The following CCM2 variants were observed in gnomAD, a reference collection of about 807,000 sequenced individuals.
CCM2 encodes the protein cerebral cavernous malformations 2 protein.
A neutral mutation model predicts 44.9 loss-of-function variants in CCM2; 25 were observed. The observed-to-expected ratio is 0.56, with a 90% confidence interval of 0.41 to 0.78. CCM2 has a LOEUF of 0.78. Ranked by LOEUF, CCM2 falls within the 30% of genes least tolerant of loss-of-function variation. The pLI is 0.00. For synonymous variants in CCM2, 219 were observed against 241.1 expected (o/e 0.91, Z 0.85); for missense variants, 481 against 580.6 (o/e 0.83, Z 1.76).
intron 1 of CCM2, among the ~76,000 whole-genome samples, chr7:45,007,350 G>A (rs1036859444): frequency 2.6e-5 from 4 of 152,170 alleles, no homozygotes; most frequent in Non-Finnish European, 5.9e-5. Flanking sequence ...GTGAACAGTG[G>A]ATCTTTGTTA....
Position 45,031,401 on chromosome 7 carries a change from A to T in CCM2, c.31-6852A>T, listed in dbSNP as rs1440498567. Among the ~76,000 whole-genome samples, 7 of 149,138 alleles carry T rather than the reference A, an allele frequency of 4.7e-5. No individual in the cohort carries two copies. The East Asian group carries it at 1.2e-3, about 25-fold the overall frequency. The stretch of plus-strand genomic sequence containing the variant: ...CAGGTCAAAAAAAAAAAAAAAAAAA[A>T]GAGGGCCTTGCTTAGTCACTTAGGC... On this transcript the variant is annotated intron_variant, in intron 1 of 9. Coordinates refer to ENST00000258781, the MANE Select transcript of CCM2 (RefSeq NM_031443.4).
At chr7:45,059,942 G>A (rs75162451) in intron 2 of CCM2, among the ~76,000 whole-genome samples, 17 of 152,094 alleles carry the variant, frequency 1.1e-4, no homozygotes, top group Non-Finnish European at 1.9e-4. Context: ...TTATCCTTAG[G>A]CTACAGTCAC....
chr7:45,009,604 A>G (rs1795989525), intron 1 of CCM2, among the ~76,000 whole-genome samples: 1 of 152,012 alleles, frequency 6.6e-6, no homozygotes, highest in Non-Finnish European at 1.5e-5. Context: ...GGGTTTCACC[A>G]TGTTGGTGGG....
At chr7:45,008,714 G>C (rs1795948461) in intron 1 of CCM2, among the ~76,000 whole-genome samples, 2 of 152,222 alleles carry the variant, frequency 1.3e-5, no homozygotes, top group South Asian at 4.1e-4. Context: ...TGTCAGTTAT[G>C]GTGCATGTTG....
chr7:45,072,437 C>T, intron 6 of CCM2: 1 of 553,206 alleles, frequency 1.8e-6, no homozygotes, highest in East Asian at 3.2e-5. Flanking sequence ...ACCTCAAAGA[C>T]AGCTTTTGCT....
intron 1 of CCM2, among the ~76,000 whole-genome samples, chr7:45,031,398 AAAAG>A (rs1796963382): frequency 6.6e-6 from 1 of 151,390 alleles, no homozygotes; most frequent in Admixed American, 6.6e-5. Context: ...AAAAAAAAAA[AAAAG>A]AGGGCCTTGC....
chr7:45,003,835 C>CA (rs1583827352), intron 1 of CCM2, among the ~76,000 whole-genome samples: 1 of 152,026 alleles, frequency 6.6e-6, no homozygotes. Flanking sequence ...TCACACTGAT[C>CA]AAAGTTAAAT....
chr7:45,042,080 C>T (rs545403388), intron 2 of CCM2, among the ~76,000 whole-genome samples: 12 of 152,124 alleles, frequency 7.9e-5, no homozygotes, highest in African/African-American at 2.9e-4. Flanking sequence ...TCAAGACCAG[C>T]CTGACCAACA....
chr7:45,024,333 C>A (rs925554279), intron 1 of CCM2, among the ~76,000 whole-genome samples: 1 of 152,204 alleles, frequency 6.6e-6, no homozygotes, highest in Non-Finnish European at 1.5e-5. Flanking sequence ...TCTGCATGTC[C>A]AGGCCAGCCC....
intron 2 of CCM2, among the ~76,000 whole-genome samples, chr7:45,061,044 G>A (rs1798495116): frequency 6.6e-6 from 1 of 152,148 alleles, no homozygotes; most frequent in Non-Finnish European, 1.5e-5. Flanking sequence ...GTGATGCTGG[G>A]GGATAAAAAT....
At position 45,073,036 on chromosome 7, in the gene CCM2, T is replaced by C. The variant is rs189206071; in HGVS notation, c.803+253T>C. The stretch of plus-strand genomic sequence containing the variant: ...CCATGGCCTCCCAAGAGTGAGCTTG[T>C]AATAGGCATGTTGGATGGAGCTGTT... On this transcript the variant is annotated intron_variant, in intron 7 of 9. Coordinates refer to ENST00000258781, the MANE Select transcript of CCM2 (RefSeq NM_031443.4). The C allele has an allele frequency of 3.2e-4, 200 of 619,884 alleles. 2 individuals are homozygous for C. In the African/African-American group the frequency reaches 3.2e-3, roughly 10 times the overall value. The allele number at this position is 619,884 out of a possible 1,614,324, so 38.4% of individuals were successfully genotyped here.
chr7:45,007,583 C>T (rs879229344), intron 1 of CCM2, among the ~76,000 whole-genome samples: 3 of 151,804 alleles, frequency 2.0e-5, no homozygotes, highest in Admixed American at 2.0e-4. Flanking sequence ...CAAACAGTAA[C>T]AATTTTTTGC....
intron 1 of CCM2, among the ~76,000 whole-genome samples, chr7:45,016,990 C>A (rs1344252135): frequency 6.6e-6 from 1 of 151,144 alleles, no homozygotes; most frequent in Non-Finnish European, 1.5e-5. Context: ...AGGATGGTCT[C>A]GATCTCCTGA....
At chr7:45,041,647 A>G (rs999869488) in intron 2 of CCM2, among the ~76,000 whole-genome samples, 25 of 152,304 alleles carry the variant, frequency 1.6e-4, no homozygotes, top group Non-Finnish European at 2.8e-4. Context: ...CAAACCAAAC[A>G]TGATAGAAAG....
intron 2 of CCM2, among the ~76,000 whole-genome samples, chr7:45,055,190 C>G (rs1583946094): frequency 1.3e-5 from 2 of 152,140 alleles, no homozygotes; most frequent in African/African-American, 4.8e-5. Context: ...AGGGAGAATT[C>G]CTGTACAATT....
chr7:45,012,421 A>G (rs1322165312), intron 1 of CCM2, among the ~76,000 whole-genome samples: 3 of 152,150 alleles, frequency 2.0e-5, no homozygotes, highest in Non-Finnish European at 2.9e-5. Context: ...GGTGTGAGCC[A>G]CTGCTCCCAG....
At chr7:45,028,987 G>A (rs1562873483) in intron 1 of CCM2, among the ~76,000 whole-genome samples, 1 of 152,100 alleles carries the variant, frequency 6.6e-6, no homozygotes, top group African/African-American at 2.4e-5. Context: ...TGTCTCTCTG[G>A]GACTATAGCC....
rs886524460 is a variant in CCM2 at position 45,061,857 on chromosome 7, C to A, written c.205-2061C>A. On this transcript the variant is annotated intron_variant, in intron 2 of 9. Coordinates refer to ENST00000258781, the MANE Select transcript of CCM2 (RefSeq NM_031443.4). ...TGAGGAGATGTTTCTCCAGTCTCAC[C>A]CTGAGAGCCTGGTGGGGCTCATGGA... Among the ~76,000 whole-genome samples, 13 of 152,242 alleles carry A rather than the reference C, an allele frequency of 8.5e-5. No individual in the cohort carries two copies. The Middle Eastern group carries it at 0.014, about 159-fold the overall frequency.
Position 45,070,724 on chromosome 7 carries a change from G to A in CCM2, c.745+763G>A, listed in dbSNP as rs146220421. On this transcript the variant is annotated intron_variant, in intron 6 of 9. Transcript: ENST00000258781. ...AGCACTTTGGGAGGCTGAGGCGGGC[G>A]GATCACCTGAGGTCGGGAGTTCAAG... The A allele has an allele frequency of 3.9e-3, 822 of 209,258 alleles. 10 individuals are homozygous for A. The highest frequency in any genetic ancestry group is 0.018 in the African/African-American group (764 of 42,462). 13.0% of individuals were successfully genotyped at this position (209,258 alleles called of 1,614,324 possible).
Sources: gnomAD v4.1 joint callset for allele counts (sites outside exome capture counted in the v4.1 genomes callset) on GRCh38, gnomAD v4.1.1 for gene constraint, MANE v1.5 for transcripts, NCBI Gene and HGNC (gene_info 2026-07-23, HGNC 2026-07-21) for gene names.